SLC25A6: variants seen among roughly 807,000 people sequenced by gnomAD.
SLC25A6 encodes ADP/ATP translocase 3.
SLC25A6 carries 9 observed loss-of-function variants against 25.7 expected under a neutral mutation model. The ratio of observed to expected loss-of-function variants is 0.35; its 90% CI spans 0.21 to 0.61. The LOEUF is 0.61. Ranked by LOEUF, SLC25A6 falls within the 20% of genes least tolerant of loss-of-function variation. SLC25A6 has a pLI of 0.76. For missense variants in SLC25A6, 404 were observed against 440.5 expected (o/e 0.92, Z 0.74); for synonymous variants, 223 against 197.0 (o/e 1.13, Z -1.11).
chrX:1,389,242 C>T lies in SLC25A6; in HGVS notation c.597G>A (p.Lys199=), dbSNP rs1221958166. 1 of 1,611,042 alleles carries T rather than the reference C, an allele frequency of 6.2e-7. No homozygotes were observed. The highest frequency in any genetic ancestry group is 8.5e-7 in the Non-Finnish European group (1 of 1,177,588). The change falls in exon 2 of 4, where the codon AAG becomes AAA. Residue 199 remains lysine, a splice_region_variant and synonymous_variant. Transcript: ENST00000381401. ...AAYFGVYDTA[K]GMLPDPKNTH... is the part of the protein sequence containing the mutation. ...CTTCGCGATGGCAGCCACACGTACC[C>T]TTGGCCGTATCGTACACGCCGAAGT... is the stretch of plus-strand genomic sequence containing the variant.
rs201852564 is a variant in SLC25A6, at chrX:1,387,270, C to G, written c.739+9G>C. ...CCCGGCAGCAAGGGTCCCCCGCCCC[C>G]CCGAGTACCTCCTTTGCGCCCGGAC... On this transcript the variant is annotated intron_variant, in intron 3 of 3. Coordinates refer to ENST00000381401, the MANE Select transcript of SLC25A6 (RefSeq NM_001636.4). 2.9e-5 allele frequency: 46 copies of G among 1,610,740 alleles called. No individual in the cohort carries two copies. The highest frequency in any genetic ancestry group is 1.3e-4 in the East Asian group (6 of 44,824).
At chrX:1,391,489 C>T (rs2089410327) in intron 1 of SLC25A6, among the ~76,000 whole-genome samples, 1 of 152,220 alleles carries the variant, frequency 6.6e-6, no homozygotes, top group South Asian at 2.1e-4. Context: ...GCTCGTTGCC[C>T]TATTGGCCTT....
rs561919681 is a variant in SLC25A6, at chrX:1,389,518, C to T, written c.321G>A (p.Thr107=). The change falls in exon 2 of 4, where the codon ACG becomes ACA. Residue 107 remains threonine, a synonymous_variant. Coordinates refer to ENST00000381401, the MANE Select transcript of SLC25A6 (RefSeq NM_001636.4). ...TGCCCGCAAAGTACCTCCAGAACTG[C>T]GTGTGCTTGTCCACGCCCCCCAGGA... ...QIFLGGVDKH[T]QFWRYFAGNL... 2.2e-5 allele frequency: 36 copies of T among 1,614,062 alleles called. No individual in the cohort carries two copies. The highest frequency in any genetic ancestry group is 2.7e-5 in the Non-Finnish European group (32 of 1,180,042).
rs184552015 is a variant in SLC25A6, at chrX:1,386,197, A to G, written c.*405T>C. 1.8e-4 allele frequency: 31 copies of G among 173,782 alleles called. No homozygotes were observed. Among genetic ancestry groups the G allele is most frequent in the Admixed American group, 1.1e-3 (18 of 15,802 alleles). 10.8% of individuals were successfully genotyped at this position (173,782 alleles called of 1,614,324 possible). A position where few individuals can be genotyped will look rare whatever the true frequency, so the allele number is the denominator to read the frequency against. On this transcript the variant is annotated 3_prime_UTR_variant, in exon 4 of 4. Coordinates refer to ENST00000381401, the MANE Select transcript of SLC25A6 (RefSeq NM_001636.4). Reference sequence around the variant, plus strand: ...ATTGTTTTGCAGCAGGAGGCCCAACATAGAACATACTCGCCAGTACTCGGC... The same window carrying G: ...ATTGTTTTGCAGCAGGAGGCCCAACGTAGAACATACTCGCCAGTACTCGGC...
Position 1,386,539 on chromosome X carries a change from G to C in SLC25A6, c.*63C>G. 6.3e-6 allele frequency: 9 copies of C among 1,439,042 alleles called. No individual in the cohort carries two copies. The highest frequency in any genetic ancestry group is 8.2e-6 in the Non-Finnish European group (9 of 1,093,142). The allele number at this position is 1,439,042 out of a possible 1,614,324, so 89.1% of individuals were successfully genotyped here. A position where few individuals can be genotyped will look rare whatever the true frequency, so the allele number is the denominator to read the frequency against. Reference sequence around the variant, plus strand: ...GAAGGTTGATGGTCCGCACGGTTGAGGATTCTACGTGGTTCTCTTGGTTCC... The same window carrying C: ...GAAGGTTGATGGTCCGCACGGTTGACGATTCTACGTGGTTCTCTTGGTTCC... On this transcript the variant is annotated 3_prime_UTR_variant, in exon 4 of 4. Coordinates refer to ENST00000381401, the MANE Select transcript of SLC25A6 (RefSeq NM_001636.4).
intron 1 of SLC25A6, among the ~76,000 whole-genome samples, chrX:1,391,494 G>C (rs1236331119): frequency 6.6e-6 from 1 of 152,196 alleles, no homozygotes; most frequent in African/African-American, 2.4e-5. Context: ...TTGCCCTATT[G>C]GCCTTAGAAT....
chrX:1,387,481 GC>G (rs1290510959), intron 2 of SLC25A6, 62 bp from the exon 3 acceptor site: 9 of 1,595,134 alleles, frequency 5.6e-6, no homozygotes, highest in Non-Finnish European at 6.8e-6. Flanking sequence ...ACCAGGGTCG[GC>G]CCCCAGGGTG....
chrX:1,389,616 G>A lies in SLC25A6; in HGVS notation c.223C>T (p.Leu75Phe). The A allele has an allele frequency of 6.2e-7, 1 of 1,614,184 alleles. No individual in the cohort carries two copies. Residue 75 changes from leucine to phenylalanine, a missense_variant, in exon 2 of 4, where the codon CTT becomes TTT. By Grantham distance (22) the Leu-to-Phe change is conservative. Transcript: ENST00000381401. Reference protein sequence around the residue: ...QGVLSFWRGNLANVIRYFPTQ... With the variant: ...QGVLSFWRGNFANVIRYFPTQ... ...GGGAAGTAGCGAATGACGTTGGCAA[G>A]GTTGCCCCTCCAGAAGGACAGCACG...
intron 2 of SLC25A6, among the ~76,000 whole-genome samples, 160 bp downstream of exon 2, chrX:1,389,081 G>A: frequency 6.6e-6 from 1 of 151,716 alleles, no homozygotes; most frequent in African/African-American, 2.4e-5. Context: ...GATGCTGTGA[G>A]GGCACAGGGA....
rs191387595 is a variant in SLC25A6, at chrX:1,389,263, G to A, written c.576C>T (p.Phe192=). 6.2e-6 allele frequency: 10 copies of A among 1,613,512 alleles called. No homozygotes were observed. Among genetic ancestry groups the A allele is most frequent in the South Asian group, 3.3e-5 (3 of 91,072 alleles). Residue 192 remains phenylalanine, a synonymous_variant, in exon 2 of 4, where the codon TTC becomes TTT. Coordinates refer to ENST00000381401, the MANE Select transcript of SLC25A6 (RefSeq NM_001636.4). ...TACCCTTGGCCGTATCGTACACGCCGAAGTAGGCCGCCCGGTAGATGATGA... is the reference window on the plus strand; with the variant it reads ...TACCCTTGGCCGTATCGTACACGCCAAAGTAGGCCGCCCGGTAGATGATGA... ...QGIIIYRAAY[F]GVYDTAKGML... is the part of the protein sequence containing the mutation.
chrX:1,388,109 T>A (rs1279866735), intron 2 of SLC25A6, among the ~76,000 whole-genome samples: 1 of 148,082 alleles, frequency 6.8e-6, no homozygotes, highest in African/African-American at 2.5e-5. Flanking sequence ...AGACACCTCA[T>A]AAGAAGAGCA....
intron 1 of SLC25A6, among the ~76,000 whole-genome samples, chrX:1,391,175 G>A (rs1468389573): frequency 2.6e-5 from 4 of 151,854 alleles, no homozygotes; most frequent in African/African-American, 9.7e-5. Context: ...GTGTGGCCCC[G>A]GCTGCTCTCA....
rs201611325 is a variant in SLC25A6 at position 1,389,491 on chromosome X, G to A, written c.348C>T (p.Asn116=). 5.0e-5 allele frequency: 81 copies of A among 1,614,132 alleles called. 1 individual carries two copies. In the African/African-American group the frequency reaches 8.5e-4, roughly 17 times the overall value. ...HTQFWRYFAG[N]LASGGAAGAT... is the part of the protein sequence containing the mutation. ...CGCCGGCCGCACCGCCGGAGGCCAG[G>A]TTGCCCGCAAAGTACCTCCAGAACT... The change falls in exon 2 of 4, where the codon AAC becomes AAT. Residue 116 remains asparagine (N), a synonymous_variant. Coordinates refer to ENST00000381401, the MANE Select transcript of SLC25A6 (RefSeq NM_001636.4).
rs1409898348 is a variant in SLC25A6, at chrX:1,386,713, G to T, written c.786C>A (p.Phe262Leu). The T allele has an allele frequency of 6.2e-7, 1 of 1,612,634 alleles. No homozygotes were observed. Among genetic ancestry groups the T allele is most frequent in the Admixed American group, 1.7e-5 (1 of 59,924 alleles). Residue 262 changes from phenylalanine (F) to leucine (L), a missense_variant, in exon 4 of 4, where the codon TTC becomes TTA. Transcript: ENST00000381401. ...AGAAGGCCTTGCCCCCCTCATCTCT[G>T]AAGATCTTCCTCCAACAGTCGACGG... ...TGTVDCWRKI[F>L]RDEGGKAFFK...
At chrX:1,390,856 C>T (rs187167021) in intron 1 of SLC25A6, among the ~76,000 whole-genome samples, 1 of 152,064 alleles carries the variant, frequency 6.6e-6, no homozygotes, top group Non-Finnish European at 1.5e-5. Context: ...GTTGCCCTGG[C>T]TGGTCTCAAA....
At chrX:1,386,828 C>G in intron 3 of SLC25A6, 69 bp from the exon 4 acceptor site, 1 of 1,525,070 alleles carries the variant, frequency 6.6e-7, no homozygotes, top group Non-Finnish European at 8.9e-7. Context: ...CACCTGCACC[C>G]ACAAAGACGT....
At chrX:1,389,856 CAAGT>C (rs2089378639) in intron 1 of SLC25A6, 129 bp from the exon 2 acceptor site, 1 of 1,464,450 alleles carries the variant, frequency 6.8e-7, no homozygotes, top group East Asian at 2.3e-5. Flanking sequence ...ATGGGGTGAT[CAAGT>C]GATTCTCCTG....
chrX:1,391,853 G>A (rs1484266010), intron 1 of SLC25A6, 46 bp downstream of exon 1: 3 of 1,467,004 alleles, frequency 2.0e-6, no homozygotes, highest in East Asian at 2.4e-5. Context: ...CCGGCCACTC[G>A]GTTCCCGTCC....
chrX:1,389,509 C>A lies in SLC25A6; in HGVS notation c.330G>T (p.Trp110Cys). 2.5e-6 allele frequency: 4 copies of A among 1,614,196 alleles called. No individual in the cohort carries two copies. The South Asian group carries it at 4.4e-5, about 18-fold the overall frequency. ...LGGVDKHTQF[W>C]RYFAGNLASG... Reference sequence around the variant, plus strand: ...AGGCCAGGTTGCCCGCAAAGTACCTCCAGAACTGCGTGTGCTTGTCCACGC... The same window carrying A: ...AGGCCAGGTTGCCCGCAAAGTACCTACAGAACTGCGTGTGCTTGTCCACGC... The change falls in exon 2 of 4, where the codon TGG becomes TGT. Residue 110 changes from tryptophan to cysteine, a missense_variant. Transcript: ENST00000381401.
Sources: allele counts gnomAD v4.1 joint callset (sites outside exome capture counted in the v4.1 genomes callset), GRCh38; gene constraint gnomAD v4.1.1; transcripts MANE v1.5; gene names NCBI Gene and HGNC (gene_info 2026-07-23, HGNC 2026-07-21).